The following RMDN2 variants were observed in gnomAD, a reference collection of about 807,000 sequenced individuals.
RMDN2 encodes regulator of microtubule dynamics protein 2.
A neutral mutation model predicts 52.8 loss-of-function variants in RMDN2; 61 were observed. The ratio of observed to expected loss-of-function variants is 1.16; its 90% CI spans 0.94 to 1.43. The LOEUF (loss-of-function observed/expected upper bound fraction) is 1.43. RMDN2 is among the 40% of genes most tolerant of loss of function. RMDN2 has a pLI of 0.00. For missense variants in RMDN2, 592 were observed against 475.3 expected, an observed-to-expected ratio of 1.25 and a Z score of -2.28; for synonymous variants, 180 against 153.1, an observed-to-expected ratio of 1.18 and a Z score of -1.30.
At chr2:38,059,894 T>TTGTTTTTG (rs1458849518) in intron 10 of RMDN2, among the ~76,000 whole-genome samples, 8 of 151,914 alleles carry the variant, frequency 5.3e-5, no homozygotes, top group Non-Finnish European at 8.8e-5. Flanking sequence ...TTTTTTGTTT[T>TTGTTTTTG]TGTTTTTGTT....
chr2:37,952,340 T>C, intron 2 of RMDN2: 1 of 735,376 alleles, frequency 1.4e-6, no homozygotes, highest in Non-Finnish European at 2.2e-6. Flanking sequence ...AGAAGATTCC[T>C]ACATTGCAGT....
intron 2 of RMDN2, among the ~76,000 whole-genome samples, chr2:37,933,827 T>A (rs971303699): frequency 1.4e-5 from 2 of 144,346 alleles, no homozygotes; most frequent in Non-Finnish European, 3.1e-5. Context: ...ACAAAAAAAT[T>A]TAGATGTGAA....
chr2:38,057,140 T>G (rs983227779), intron 10 of RMDN2, among the ~76,000 whole-genome samples: 2 of 152,310 alleles, frequency 1.3e-5, no homozygotes, highest in Non-Finnish European at 1.5e-5. Context: ...ATGAAGAGGT[T>G]GTTACTATTA....
At chr2:37,925,033 G>A, upstream of RMDN2, among the ~76,000 whole-genome samples, 1 of 152,218 alleles carries the variant, frequency 6.6e-6, no homozygotes, top group East Asian at 1.9e-4. Context: ...TGGCAGCAAC[G>A]CGAGAGGGAA....
At chr2:37,950,666 G>A in intron 2 of RMDN2, 1 of 1,453,406 alleles carries the variant, frequency 6.9e-7, no homozygotes, top group Non-Finnish European at 9.7e-7. Context: ...AAGCTTTAGT[G>A]CTCTCCTTTG....
At chr2:37,977,500 G>C (rs889892166) in intron 4 of RMDN2, among the ~76,000 whole-genome samples, 6 of 151,706 alleles carry the variant, frequency 4.0e-5, no homozygotes, top group Admixed American at 3.3e-4. Context: ...CGGCTGCCGG[G>C]CGGAGACGCG....
chr2:37,922,437 T>C (rs1236591673), upstream of RMDN2, among the ~76,000 whole-genome samples: 1 of 132,324 alleles, frequency 7.6e-6, no homozygotes, highest in East Asian at 3.0e-4. Flanking sequence ...AAAAAAAAAA[T>C]TGACACTCCC....
intron 10 of RMDN2, among the ~76,000 whole-genome samples, chr2:38,065,098 C>A (rs1427198113): frequency 1.3e-5 from 2 of 152,156 alleles, no homozygotes; most frequent in Non-Finnish European, 2.9e-5. Context: ...ATCCAGGTAT[C>A]TATTCCCAAG....
intron 10 of RMDN2, among the ~76,000 whole-genome samples, chr2:38,059,346 A>T (rs1191533403): frequency 6.6e-6 from 1 of 152,230 alleles, no homozygotes; most frequent in Non-Finnish European, 1.5e-5. Context: ...TTGGGCAGTG[A>T]TCATACCATC....
intron 7 of RMDN2, among the ~76,000 whole-genome samples, chr2:37,996,628 G>A (rs985228270): frequency 2.7e-5 from 4 of 150,722 alleles, no homozygotes; most frequent in African/African-American, 9.8e-5. Context: ...AGAGGATATT[G>A]GCTACCAAGG....
In RMDN2 at chr2:37,974,020, G is replaced by T. The variant is rs1221772224; in HGVS notation, c.453-20G>T. 1.9e-6 allele frequency: 3 copies of T among 1,587,416 alleles called. No individual in the cohort carries two copies. The highest frequency in any genetic ancestry group is 1.8e-5 in the Admixed American group (1 of 57,014). The stretch of plus-strand genomic sequence containing the variant: ...ATACTTAACTTTCAAAGGAGTTGAT[G>T]ATTATTTCTGCGATTTTAGGTATAT... On this transcript the variant is annotated intron_variant, in intron 2 of 10. Transcript: ENST00000354545.
chr2:37,983,141 C>T (rs1212835675), intron 5 of RMDN2, among the ~76,000 whole-genome samples: 1 of 152,062 alleles, frequency 6.6e-6, no homozygotes, highest in Admixed American at 6.5e-5. Flanking sequence ...TGTCCTCTTC[C>T]TTCTCTCCCA....
At chr2:37,934,186 A>G (rs1572691559) in intron 2 of RMDN2, among the ~76,000 whole-genome samples, 1 of 152,364 alleles carries the variant, frequency 6.6e-6, no homozygotes, top group East Asian at 1.9e-4. Context: ...TACTTGTTTC[A>G]CACAAGAAAG....
chr2:37,927,567 C>G (rs1260791058), intron 1 of RMDN2, among the ~76,000 whole-genome samples: 1 of 152,138 alleles, frequency 6.6e-6, no homozygotes, highest in African/African-American at 2.4e-5. Context: ...TCAAACTAGG[C>G]TATATTTCTT....
intron 7 of RMDN2, among the ~76,000 whole-genome samples, chr2:37,994,582 C>T (rs1171662316): frequency 6.6e-6 from 1 of 151,980 alleles, no homozygotes. Flanking sequence ...GGTAAGCAAG[C>T]ATATGAAAAG....
chr2:38,011,221 T>G (rs904096757), intron 10 of RMDN2, among the ~76,000 whole-genome samples: 3 of 152,132 alleles, frequency 2.0e-5, no homozygotes, highest in African/African-American at 7.2e-5. Context: ...TAATAACATG[T>G]TCTTGGTTTT....
intron 8 of RMDN2, among the ~76,000 whole-genome samples, chr2:38,002,079 GTCC>G (rs1676396074): frequency 6.6e-6 from 1 of 152,096 alleles, no homozygotes; most frequent in African/African-American, 2.4e-5. Flanking sequence ...GGAGATTTTT[GTCC>G]TCCTTCTTCT....
rs1404404767 is a variant in RMDN2 at position 37,974,130 on chromosome 2, C to G, written c.543C>G (p.Val181=). ...GTGTAGAGGAATTAAATTTAGATGT[C>G]CTTCTTCAGAAGGTAGATCATTTAC... The part of the protein sequence containing the change: ...NTRVEELNLD[V]LLQKVDHLRM... Residue 181 remains valine, a synonymous_variant, in exon 3 of 11, where the codon GTC becomes GTG. Transcript: ENST00000354545. 36 of 1,612,864 alleles carry G rather than the reference C, an allele frequency of 2.2e-5. No individual in the cohort carries two copies. The highest frequency in any genetic ancestry group is 2.6e-5 in the Non-Finnish European group (31 of 1,179,174).
At chr2:37,951,541 A>T in intron 2 of RMDN2, 1 of 1,612,492 alleles carries the variant, frequency 6.2e-7, no homozygotes, top group Admixed American at 1.7e-5. Flanking sequence ...GGCTTCACTG[A>T]TATAAAATCT....
Sources: gnomAD v4.1 joint callset for allele counts (sites outside exome capture counted in the v4.1 genomes callset) on GRCh38, gnomAD v4.1.1 for gene constraint, MANE v1.5 for transcripts, NCBI Gene and HGNC (gene_info 2026-07-23, HGNC 2026-07-21) for gene names.